ZFAND3: variants seen among roughly 807,000 people sequenced by gnomAD.
ZFAND3 encodes the protein zinc finger AN1-type containing 3, also known as AN1-type zinc finger protein 3.
ZFAND3 carries 10 observed loss-of-function variants against 29.6 expected under a neutral mutation model. That is an observed-to-expected ratio of 0.34 (90% CI 0.21 to 0.57). The LOEUF (loss-of-function observed/expected upper bound fraction) is 0.57, where lower values mean the gene tolerates loss of function less well. Among genes scored for constraint, ZFAND3 ranks in the 20% least tolerant of loss-of-function variants. The pLI, the probability that ZFAND3 is intolerant of heterozygous loss-of-function variation, is 0.86. For synonymous variants in ZFAND3, 128 were observed against 112.6 expected (o/e 1.14, Z -0.87); for missense variants, 230 against 304.5 (o/e 0.76, Z 1.82).
intron 2 of ZFAND3, among the ~76,000 whole-genome samples, chr6:37,991,650 A>T (rs1228872099): frequency 1.3e-5 from 2 of 152,142 alleles, no homozygotes; most frequent in Non-Finnish European, 2.9e-5. Flanking sequence ...TAAACAGGGA[A>T]ATTTCACTTG....
At chr6:37,984,784 C>T (rs997328678) in intron 2 of ZFAND3, among the ~76,000 whole-genome samples, 2 of 152,186 alleles carry the variant, frequency 1.3e-5, no homozygotes, top group African/African-American at 4.8e-5. Context: ...TCCAGCTAAG[C>T]TGGTCTGAAC....
chr6:38,087,779 G>A (rs555513747), intron 4 of ZFAND3, among the ~76,000 whole-genome samples: 1 of 152,286 alleles, frequency 6.6e-6, no homozygotes, highest in African/African-American at 2.4e-5. Context: ...AGAACAGTTT[G>A]GAGGTTTCTC....
intron 1 of ZFAND3, among the ~76,000 whole-genome samples, chr6:37,852,660 A>G (rs989763844): frequency 6.6e-6 from 1 of 151,404 alleles, no homozygotes; most frequent in Admixed American, 6.6e-5. Context: ...GTGTTAATTT[A>G]GACTAATCAT....
intron 5 of ZFAND3, among the ~76,000 whole-genome samples, chr6:38,151,066 G>A (rs1039803173): frequency 2.6e-5 from 4 of 152,158 alleles, no homozygotes; most frequent in Admixed American, 2.6e-4. Context: ...AGCAGACTCT[G>A]GGGACCTCAG....
Position 38,152,479 on chromosome 6 carries a change from G to T in ZFAND3, c.*90G>T. The T allele has an allele frequency of 7.0e-7, 1 of 1,426,504 alleles. No homozygotes were observed. The highest frequency in any genetic ancestry group is 1.6e-5 in the South Asian group (1 of 61,294). The allele number at this position is 1,426,504 out of a possible 1,614,324, so 88.4% of individuals were successfully genotyped here. On this transcript the variant is annotated 3_prime_UTR_variant, in exon 6 of 6. Transcript: ENST00000287218. ...AAGTCAGCCAGACACCTTGTACTGG[G>T]CACGCGTCAGACTGCAGCCAGTCCG...
chr6:37,856,987 A>AGACTG (rs1764396024), intron 1 of ZFAND3, among the ~76,000 whole-genome samples: 1 of 151,716 alleles, frequency 6.6e-6, no homozygotes, highest in Non-Finnish European at 1.5e-5. Context: ...TCTGTTACCC[A>AGACTG]GACTGGAGTG....
At chr6:37,897,612 C>T (rs78430924) in intron 1 of ZFAND3, among the ~76,000 whole-genome samples, 7,191 of 152,200 alleles carry the variant, frequency 0.047, 484 homozygotes, top group African/African-American at 0.15. Context: ...CCAGCATCAG[C>T]GGATTAGTAT....
At chr6:38,079,660 T>G (rs2127469893) in intron 3 of ZFAND3, among the ~76,000 whole-genome samples, 1 of 152,326 alleles carries the variant, frequency 6.6e-6, no homozygotes, top group South Asian at 2.1e-4. Flanking sequence ...ATTTTGTTAG[T>G]TAAGCTGTTA....
intron 1 of ZFAND3, among the ~76,000 whole-genome samples, chr6:37,869,692 TG>T (rs1463566609): frequency 6.6e-6 from 1 of 150,968 alleles, no homozygotes; most frequent in Non-Finnish European, 1.5e-5. Context: ...AATTTTTTTT[TG>T]TAGAGTTGGG....
chr6:37,929,699 A>G (rs924090962), intron 1 of ZFAND3, among the ~76,000 whole-genome samples: 1 of 152,186 alleles, frequency 6.6e-6, no homozygotes, highest in South Asian at 2.1e-4. Context: ...CGCAATAAAT[A>G]AAAGCAAACA....
chr6:38,078,904 T>G (rs1764605307), intron 3 of ZFAND3, among the ~76,000 whole-genome samples: 1 of 152,192 alleles, frequency 6.6e-6, no homozygotes, highest in Admixed American at 6.5e-5. Context: ...TCTCCGGCAT[T>G]AGAAAGTCCA....
intron 5 of ZFAND3, among the ~76,000 whole-genome samples, chr6:38,144,211 A>ATAATATATAT (rs70981524): frequency 2.2e-5 from 1 of 45,854 alleles, no homozygotes; most frequent in African/African-American, 1.2e-4. Context: ...ATATATATAT[A>ATAATATATAT]ATATATAATA....
At chr6:37,893,834 G>T (rs919652760) in intron 1 of ZFAND3, among the ~76,000 whole-genome samples, 4 of 150,050 alleles carry the variant, frequency 2.7e-5, no homozygotes, top group Non-Finnish European at 6.0e-5. Context: ...GATTACAGGG[G>T]TGAGCCACCG....
chr6:38,052,163 A>G (rs1484300891), intron 2 of ZFAND3, among the ~76,000 whole-genome samples: 1 of 152,218 alleles, frequency 6.6e-6, no homozygotes, highest in African/African-American at 2.4e-5. Flanking sequence ...ATTTCAGGAT[A>G]TGCTTTTGGG....
intron 1 of ZFAND3, among the ~76,000 whole-genome samples, chr6:37,889,052 C>T (rs1765048473): frequency 1.3e-5 from 2 of 152,162 alleles, no homozygotes; most frequent in South Asian, 4.1e-4. Flanking sequence ...ATTATTATTT[C>T]ACTTAACAAG....
chr6:37,885,403 G>C (rs1764971569), intron 1 of ZFAND3, among the ~76,000 whole-genome samples: 1 of 152,172 alleles, frequency 6.6e-6, no homozygotes, highest in Admixed American at 6.5e-5. Flanking sequence ...CAGCACTCTG[G>C]GGGGCTGTGG....
rs1766308131 is a variant in ZFAND3, at chr6:38,154,381, G to GT, written c.*1993dup. On this transcript the variant is annotated 3_prime_UTR_variant, in exon 6 of 6. Transcript: ENST00000287218. ...GCTTCCTGACTTAGAGCTGGGGGGGGTGGGGGGTGGGGCTTGTTCCCCTGC... is the reference window on the plus strand; with the variant it reads ...GCTTCCTGACTTAGAGCTGGGGGGGGTTGGGGGGTGGGGCTTGTTCCCCTGC... 1.8e-6 allele frequency: 1 copy of GT among 567,492 alleles called. No homozygotes were observed. Among genetic ancestry groups the GT allele is most frequent in the South Asian group, 7.6e-5 (1 of 13,186 alleles). 35.2% of individuals were successfully genotyped at this position (567,492 alleles called of 1,614,324 possible). A position where few individuals can be genotyped will look rare whatever the true frequency, so the allele number is the denominator to read the frequency against.
chr6:37,874,530 A>AG (rs1764757800), intron 1 of ZFAND3, among the ~76,000 whole-genome samples: 1 of 151,738 alleles, frequency 6.6e-6, no homozygotes, highest in African/African-American at 2.4e-5. Flanking sequence ...AAAAAAAAAA[A>AG]AAAAAAATTC....
At chr6:37,940,894 C>T (rs1313680243) in intron 2 of ZFAND3, among the ~76,000 whole-genome samples, 1 of 152,074 alleles carries the variant, frequency 6.6e-6, no homozygotes, top group African/African-American at 2.4e-5. Context: ...AGTAGTGGAA[C>T]AAGAATTAGT....
Sources: allele counts gnomAD v4.1 joint callset (sites outside exome capture counted in the v4.1 genomes callset), GRCh38; gene constraint gnomAD v4.1.1; transcripts MANE v1.5; gene names NCBI Gene and HGNC (gene_info 2026-07-23, HGNC 2026-07-21).